Variants in TTC17 observed in about 807,000 individuals in gnomAD.
TTC17 encodes tetratricopeptide repeat domain 17.
TTC17 carries 58 observed loss-of-function variants against 143.8 expected under a neutral mutation model. The observed-to-expected ratio is 0.40, with a 90% CI of 0.33 to 0.50. TTC17 has a LOEUF of 0.50. TTC17 is among the 20% of genes least tolerant of loss of function. The pLI is 0.49. For synonymous variants in TTC17, 501 were observed against 497.8 expected, an observed-to-expected ratio of 1.01 and a Z score of -0.09; for missense variants, 1,273 against 1,392.5, an observed-to-expected ratio of 0.91 and a Z score of 1.37.
rs1374703910 is a variant in TTC17 at position 43,407,539 on chromosome 11, A to G, written c.2026A>G (p.Lys676Glu). Residue 676 changes from lysine (K) to glutamate (E), a missense_variant, in exon 15 of 24, where the codon AAG becomes GAG. Lys to Glu is a moderately conservative substitution (Grantham distance 56). Transcript: ENST00000039989. ...TTACGGCCTTCATCTTGATGCCACT[A>G]AGCTGCTACTTCAAGCTTTGGCCAT... ...IHYGLHLDAT[K>E]LLLQALAINS... The G allele has an allele frequency of 6.2e-7, 1 of 1,613,828 alleles. No homozygotes were observed. The highest frequency in any genetic ancestry group is 8.5e-7 in the Non-Finnish European group (1 of 1,179,960).
intron 1 of TTC17, among the ~76,000 whole-genome samples, chr11:43,373,406 C>T (rs1486890234): frequency 7.3e-5 from 11 of 151,428 alleles, no homozygotes; most frequent in Admixed American, 7.2e-4. Context: ...TCACTGCAAG[C>T]TCCACCTCCC....
intron 7 of TTC17, 94 bp downstream of exon 7, chr11:43,397,585 AT>A (rs1857654486): frequency 7.7e-7 from 1 of 1,294,228 alleles, no homozygotes; most frequent in African/African-American, 1.9e-5. Flanking sequence ...ACTTTTTTCC[AT>A]TCCTTTTTTG....
intron 15 of TTC17, among the ~76,000 whole-genome samples, chr11:43,412,664 T>C (rs1858470399): frequency 6.6e-6 from 1 of 152,106 alleles, no homozygotes; most frequent in Non-Finnish European, 1.5e-5. Context: ...GAAATGCTCA[T>C]TGGAGCATTT....
intron 16 of TTC17, among the ~76,000 whole-genome samples, chr11:43,416,145 T>C (rs183188899): frequency 6.6e-6 from 1 of 152,302 alleles, no homozygotes; most frequent in East Asian, 1.9e-4. Context: ...TTCTTAATCC[T>C]GGAAGATATG....
At chr11:43,390,657 A>T (rs886962380) in intron 3 of TTC17, among the ~76,000 whole-genome samples, 70 of 148,458 alleles carry the variant, frequency 4.7e-4, no homozygotes, top group Non-Finnish European at 8.1e-4. Flanking sequence ...ATAAAAAAAT[A>T]AAAATGAAAA....
At chr11:43,428,296 G>T (rs1947075094) in intron 16 of TTC17, among the ~76,000 whole-genome samples, 1 of 146,938 alleles carries the variant, frequency 6.8e-6, no homozygotes, top group Non-Finnish European at 1.5e-5. Context: ...GTAAGCCAGA[G>T]ATTTAAATTA....
Position 43,473,183 on chromosome 11 carries a change from AAAAG to A in TTC17, c.3031-17048_3031-17045del, listed in dbSNP as rs536969782. Among the ~76,000 whole-genome samples the A allele has an allele frequency of 4.9e-3, 744 of 152,206 alleles. 1 individual carries two copies. Among genetic ancestry groups the A allele is most frequent in the African/African-American group, 0.017 (685 of 41,502 alleles). On this transcript the variant is annotated intron_variant, in intron 21 of 23. Coordinates refer to ENST00000039989, the MANE Select transcript of TTC17 (RefSeq NM_018259.6). ...GGGCGAGACTCCATCTAAAAAAAAA[AAAAG>A]AAAGAAAATCTTCACCTGTTTTGGT...
At chr11:43,470,274 T>A (rs1019675010) in intron 21 of TTC17, among the ~76,000 whole-genome samples, 3 of 152,200 alleles carry the variant, frequency 2.0e-5, no homozygotes, top group Non-Finnish European at 4.4e-5. Context: ...AGTTCGCACC[T>A]TAGTCCAGGG....
chr11:43,489,527 C>T (rs959697818), intron 21 of TTC17, among the ~76,000 whole-genome samples: 3 of 152,090 alleles, frequency 2.0e-5, no homozygotes, highest in African/African-American at 7.2e-5. Flanking sequence ...CACCTGAGGT[C>T]ATGAGTTCGA....
At position 43,485,349 on chromosome 11, in the gene TTC17, C is replaced by T. The variant is rs868536024; in HGVS notation, c.3031-4890C>T. On this transcript the variant is annotated intron_variant, in intron 21 of 23. Transcript: ENST00000039989. ...AATCTTCATATCTTACACAAAAATT[C>T]AATTCCACATGAATTAAGGGCTCAA... is the stretch of plus-strand genomic sequence containing the variant. Among the ~76,000 whole-genome samples the T allele has an allele frequency of 9.9e-5, 15 of 152,110 alleles. No individual in the cohort carries two copies. The South Asian group carries it at 1.0e-3, about 11-fold the overall frequency.
intron 1 of TTC17, among the ~76,000 whole-genome samples, chr11:43,367,209 G>A (rs1014758716): frequency 3.9e-5 from 6 of 152,066 alleles, no homozygotes; most frequent in South Asian, 4.2e-4. Flanking sequence ...GAATCAGCCC[G>A]TAGGCCCTCA....
chr11:43,452,850 A>G (rs1947689536), intron 21 of TTC17, among the ~76,000 whole-genome samples: 1 of 151,292 alleles, frequency 6.6e-6, no homozygotes, highest in African/African-American at 2.4e-5. Flanking sequence ...TTGAGCCCAG[A>G]AAGTTGAGGT....
chr11:43,375,863 A>T (rs975675697), intron 1 of TTC17, among the ~76,000 whole-genome samples: 1 of 152,188 alleles, frequency 6.6e-6, no homozygotes, highest in Non-Finnish European at 1.5e-5. Flanking sequence ...GCAGTGAAAT[A>T]ATTACCCTCA....
At chr11:43,402,243 C>T (rs1857897789) in intron 10 of TTC17, among the ~76,000 whole-genome samples, 1 of 152,092 alleles carries the variant, frequency 6.6e-6, no homozygotes, top group East Asian at 1.9e-4. Context: ...CATCTCCCCA[C>T]TTTCCCTTTT....
At chr11:43,403,151 A>C (rs1371562530) in intron 10 of TTC17, among the ~76,000 whole-genome samples, 2 of 152,156 alleles carry the variant, frequency 1.3e-5, no homozygotes, top group African/African-American at 4.8e-5. Context: ...AAAGGGAAGA[A>C]GGGGGATGTT....
rs1347512405 is a variant in TTC17, at chr11:43,404,138, A to C, written c.1473A>C (p.Ala491=). ...GGATTTGGGGCAGGGACTCTGATGC[A>C]TATAGGGTAAGTTAATAGAGGATGA... ...ILWIWGRDSD[A]YRDKQHILWP... Residue 491 remains alanine (A), a synonymous_variant, in exon 11 of 24, where the codon GCA becomes GCC. Transcript: ENST00000039989. 6.2e-7 allele frequency: 1 copy of C among 1,605,934 alleles called. No individual in the cohort carries two copies. The highest frequency in any genetic ancestry group is 8.5e-7 in the Non-Finnish European group (1 of 1,177,636).
chr11:43,372,482 T>TTTATTTATTTA, intron 1 of TTC17, among the ~76,000 whole-genome samples: 2 of 145,938 alleles, frequency 1.4e-5, no homozygotes, highest in African/African-American at 5.2e-5. Flanking sequence ...TATTTTTATT[T>TTTATTTATTTA]TTTATTTATT....
rs530336585 is a variant in TTC17 at position 43,488,265 on chromosome 11, C to T, written c.3031-1974C>T. ...GATAGGTCAGAATGTAAATACTATA[C>T]GCCCTGAAAATGTAGAATTATAAAA... On this transcript the variant is annotated intron_variant, in intron 21 of 23. Transcript: ENST00000039989. Among the ~76,000 whole-genome samples, 21 of 152,158 alleles carry T rather than the reference C, an allele frequency of 1.4e-4. 1 individual carries two copies. Among genetic ancestry groups the T allele is most frequent in the Middle Eastern group, 6.8e-3 (2 of 294 alleles).
At chr11:43,440,044 G>A (rs750254689) in intron 16 of TTC17, among the ~76,000 whole-genome samples, 32 of 152,168 alleles carry the variant, frequency 2.1e-4, no homozygotes, top group Non-Finnish European at 3.8e-4. Flanking sequence ...TGTCCTACAA[G>A]CAGCAAGCCT....
Sources: allele counts gnomAD v4.1 joint callset (sites outside exome capture counted in the v4.1 genomes callset), GRCh38; gene constraint gnomAD v4.1.1; transcripts MANE v1.5; gene names NCBI Gene and HGNC (gene_info 2026-07-23, HGNC 2026-07-21).